PLS3: variants seen among roughly 807,000 people sequenced by gnomAD.
PLS3 encodes plastin 3.
PLS3 carries 11 observed loss-of-function variants against 46.5 expected under a neutral mutation model. The ratio of observed to expected loss-of-function variants is 0.24; its 90% CI spans 0.15 to 0.39. The LOEUF (loss-of-function observed/expected upper bound fraction) is 0.39. PLS3 is among the 10% of genes least tolerant of loss of function. The pLI is 1.00. For missense variants in PLS3, 308 were observed against 461.8 expected (o/e 0.67, Z 3.05); for synonymous variants, 167 against 162.2 (o/e 1.03, Z -0.22).
chrX:115,608,376 T>C (rs890232084), intron 1 of PLS3, among the ~76,000 whole-genome samples: 1 of 112,366 alleles, frequency 8.9e-6, no homozygotes, highest in African/African-American at 3.2e-5. Context: ...TATATTTTTT[T>C]GGAAAGGCAA....
At position 115,647,820 on chromosome X, in the gene PLS3, G is replaced by A. The variant is rs145165471; in HGVS notation, c.1636-73G>A. 1.6e-4 allele frequency: 187 copies of A among 1,169,808 alleles called. 1 individual carries two copies. In the Middle Eastern group the frequency reaches 2.0e-3, roughly 13 times the overall value. ...ACGAATTCACTGGGCTTTGTTTTTG[G>A]CACTTGATATAAGTAAGCACATGTT... On this transcript the variant is annotated intron_variant, in intron 14 of 15. Transcript: ENST00000355899.
At chrX:115,601,764 TC>T (rs782198914) in intron 1 of PLS3, among the ~76,000 whole-genome samples, 12 of 111,817 alleles carry the variant, frequency 1.1e-4, no homozygotes, top group Non-Finnish European at 2.3e-4. Flanking sequence ...TGACTGATCC[TC>T]CCTTTGTTTT....
Position 115,622,409 on chromosome X carries a change from T to C in PLS3, c.237T>C (p.Tyr79=), listed in dbSNP as rs782432838. The change falls in exon 3 of 16, where the codon TAT becomes TAC. Residue 79 remains tyrosine (Y), a splice_region_variant and synonymous_variant. Transcript: ENST00000355899. ...AAATAAGTTTTGACGAATTTGTTTA[T>C]GTAAGTATGTGAAAATTCACAATTA... The part of the protein sequence containing the change: ...DGKISFDEFV[Y]IFQEVKSSDI... The C allele has an allele frequency of 8.8e-7, 1 of 1,138,930 alleles. No homozygotes were observed. Among genetic ancestry groups the C allele is most frequent in the South Asian group, 1.9e-5 (1 of 52,666 alleles). The allele number at this position is 1,138,930 out of a possible 1,213,427, so 93.9% of individuals were successfully genotyped here.
intron 2 of PLS3, chrX:115,610,817 C>T (rs1188480432): frequency 1.9e-6 from 2 of 1,034,366 alleles, no homozygotes; most frequent in Non-Finnish European, 2.5e-6. Flanking sequence ...TTCTACCTCG[C>T]CACGTTAAAT....
At chrX:115,589,567 CTG>C (rs1241037825) in intron 1 of PLS3, among the ~76,000 whole-genome samples, 2 of 111,699 alleles carry the variant, frequency 1.8e-5, no homozygotes, top group African/African-American at 6.5e-5. Context: ...GGAAAAAAAA[CTG>C]TTTCATGAAA....
chrX:115,593,387 A>T (rs2074358856), intron 1 of PLS3, among the ~76,000 whole-genome samples: 1 of 111,195 alleles, frequency 9.0e-6, no homozygotes, highest in Non-Finnish European at 1.9e-5. Flanking sequence ...TAAATGCTGC[A>T]TTTAAATTAG....
intron 2 of PLS3, chrX:115,610,871 T>G (rs1569527819): frequency 1.8e-6 from 2 of 1,088,467 alleles, no homozygotes; most frequent in Non-Finnish European, 2.4e-6. Context: ...TGCTATTTGA[T>G]TTATCCTTTA....
chrX:115,621,311 G>A lies in PLS3; in HGVS notation c.74-935G>A, dbSNP rs782143092. ...ATTACAGGCGTGAGCCACCGTGCCC[G>A]GCCACAATACATTTTCTTAAATGCG... On this transcript the variant is annotated intron_variant, in intron 2 of 15. Transcript: ENST00000355899. Among the ~76,000 whole-genome samples, 7 of 112,331 alleles carry A rather than the reference G, an allele frequency of 6.2e-5. No homozygotes were observed. The South Asian group carries it at 1.5e-3, about 23-fold the overall frequency.
intron 2 of PLS3, chrX:115,614,537 A>G (rs2074578917): frequency 4.0e-6 from 3 of 751,647 alleles, no homozygotes; most frequent in Admixed American, 8.8e-5. Flanking sequence ...CTCAAAAGGT[A>G]TAAGCTGTGA....
intron 1 of PLS3, among the ~76,000 whole-genome samples, chrX:115,586,672 C>T (rs1310692882): frequency 4.4e-5 from 1 of 22,782 alleles, no homozygotes; most frequent in Non-Finnish European, 1.0e-4. Context: ...AGTGAGACTC[C>T]GTCTCAAAAA....
chrX:115,645,482 AAAAAAAGAAAGGT>A (rs1333248470), intron 11 of PLS3, among the ~76,000 whole-genome samples: 1 of 110,710 alleles, frequency 9.0e-6, no homozygotes, highest in Admixed American at 9.7e-5. Flanking sequence ...TAAGAGGGAA[AAAAAAAGAAAGGT>A]AAAAAAGAAA....
Position 115,646,385 on chromosome X carries a change from C to A in PLS3, c.1378-17C>A. The A allele has an allele frequency of 8.3e-7, 1 of 1,205,338 alleles. No homozygotes were observed. Among genetic ancestry groups the A allele is most frequent in the Non-Finnish European group, 1.1e-6 (1 of 890,353 alleles). ...ACAAATGGAAGTCTTTAACCATTTA[C>A]TCTTGTGCCTTTGCAGCTAGAAAAC... On this transcript the variant is annotated splice_polypyrimidine_tract_variant and intron_variant, in intron 12 of 15. Transcript: ENST00000355899.
At chrX:115,633,355 G>A (rs1375330887) in intron 5 of PLS3, among the ~76,000 whole-genome samples, 1 of 110,734 alleles carries the variant, frequency 9.0e-6, no homozygotes. Context: ...ATTTTTAGTA[G>A]AGACGGGGTT....
At chrX:115,631,362 C>T (rs1017880882) in intron 5 of PLS3, among the ~76,000 whole-genome samples, 4 of 109,655 alleles carry the variant, frequency 3.6e-5, no homozygotes, top group Admixed American at 2.0e-4. Flanking sequence ...TGAGCCACCG[C>T]GCCCGGCTGA....
In PLS3 at chrX:115,649,850, C is replaced by T; in HGVS notation, c.*289C>T. On this transcript the variant is annotated 3_prime_UTR_variant, in exon 16 of 16. Coordinates refer to ENST00000355899, the MANE Select transcript of PLS3 (RefSeq NM_005032.7). ...ATGCTGCCCTTGACATTTCCCATTG[C>T]TGTATGTTATTTCTTGCTCTGTTAT... The T allele has an allele frequency of 5.2e-6, 1 of 190,791 alleles. No individual in the cohort carries two copies. The highest frequency in any genetic ancestry group is 9.9e-6 in the Non-Finnish European group (1 of 100,795). The allele number at this position is 190,791 out of a possible 1,213,427, so 15.7% of individuals were successfully genotyped here.
At chrX:115,608,499 C>T (rs782516301) in intron 1 of PLS3, among the ~76,000 whole-genome samples, 12 of 111,854 alleles carry the variant, frequency 1.1e-4, no homozygotes, top group Non-Finnish European at 1.9e-4. Flanking sequence ...CCCTAATGTT[C>T]ACCAGAGTCT....
chrX:115,590,135 C>A, intron 1 of PLS3, among the ~76,000 whole-genome samples: 1 of 111,710 alleles, frequency 9.0e-6, no homozygotes, highest in East Asian at 2.8e-4. Flanking sequence ...GGATTACAGG[C>A]CTGAGCCACC....
chrX:115,624,536 T>G (rs1451032090), intron 3 of PLS3, among the ~76,000 whole-genome samples: 2 of 111,743 alleles, frequency 1.8e-5, no homozygotes, highest in African/African-American at 6.6e-5. Context: ...TGCTCAGAAT[T>G]TTTTAATCTA....
intron 1 of PLS3, among the ~76,000 whole-genome samples, chrX:115,580,888 G>A (rs1452715733): frequency 2.7e-5 from 3 of 111,469 alleles, no homozygotes; most frequent in Non-Finnish European, 3.8e-5. Context: ...TTAATTAGCA[G>A]TTTCTTTTTT....
Sources: gnomAD v4.1 joint callset for allele counts (sites outside exome capture counted in the v4.1 genomes callset) on GRCh38, gnomAD v4.1.1 for gene constraint, MANE v1.5 for transcripts, NCBI Gene and HGNC (gene_info 2026-07-23, HGNC 2026-07-21) for gene names.